MCF2L2: variants seen among roughly 807,000 people sequenced by gnomAD.
The protein encoded by MCF2L2 is probable guanine nucleotide exchange factor MCF2L2.
A neutral mutation model predicts 150.2 loss-of-function variants in MCF2L2; 102 were observed. The ratio of observed to expected loss-of-function variants is 0.68; its 90% CI spans 0.58 to 0.80. The LOEUF (loss-of-function observed/expected upper bound fraction) is 0.80. Among genes scored for constraint, MCF2L2 ranks in the 30% least tolerant of loss-of-function variants. MCF2L2 has a pLI of 0.00. For synonymous variants in MCF2L2, 465 were observed against 491.3 expected (o/e 0.95, Z 0.71); for missense variants, 1,256 against 1,372.8 (o/e 0.91, Z 1.34).
In MCF2L2 at chr3:183,379,299, G is replaced by A. The variant is rs562383732; in HGVS notation, c.273C>T (p.Pro91=). 6.9e-6 allele frequency: 11 copies of A among 1,605,154 alleles called. No individual in the cohort carries two copies. Among genetic ancestry groups the A allele is most frequent in the African/African-American group, 2.7e-5 (2 of 74,638 alleles). Residue 91 remains proline, a splice_region_variant and synonymous_variant, in exon 3 of 30, where the codon CCC becomes CCT. Transcript: ENST00000328913. The part of the protein sequence containing the change: ...LNVMTYLTSI[P]SVEAASIGFI... ...GCAGGACACTGTGCTCAGCTCACCT[G>A]GGGATGCTAGTCAGGTAGGTCATGA...
chr3:183,371,465 CTTTTTTT>C (rs56835227), intron 3 of MCF2L2, among the ~76,000 whole-genome samples: 1 of 126,050 alleles, frequency 7.9e-6, no homozygotes, highest in Non-Finnish European at 1.6e-5. Flanking sequence ...TCTGAGAAGC[CTTTTTTT>C]TTTTTTTTTT....
At position 183,344,434 on chromosome 3, in the gene MCF2L2, A is replaced by G. The variant is rs564930051; in HGVS notation, c.276-2804T>C. ...ATCACATTAATTGGAAATGGCCTAT[A>G]ACGCTCCATTTAAAAGGCAAATAGC... On this transcript the variant is annotated intron_variant, in intron 3 of 29. Coordinates refer to ENST00000328913, the MANE Select transcript of MCF2L2 (RefSeq NM_015078.4). Among the ~76,000 whole-genome samples, 5 of 152,298 alleles carry G rather than the reference A, an allele frequency of 3.3e-5. No individual in the cohort carries two copies. The East Asian group carries it at 9.6e-4, about 29-fold the overall frequency.
chr3:183,391,269 G>GT (rs1011205396), intron 1 of MCF2L2, among the ~76,000 whole-genome samples: 13 of 149,170 alleles, frequency 8.7e-5, no homozygotes, highest in African/African-American at 2.5e-4. Flanking sequence ...GCCTTTTTTT[G>GT]TTTTTTTCTG....
chr3:183,415,973 A>G (rs1366701969), intron 1 of MCF2L2, among the ~76,000 whole-genome samples: 1 of 152,084 alleles, frequency 6.6e-6, no homozygotes, highest in African/African-American at 2.4e-5. Flanking sequence ...TTACATTAAT[A>G]AAAATTTCTA....
intron 4 of MCF2L2, among the ~76,000 whole-genome samples, chr3:183,340,258 C>CGTGTGTGTGCATGTTT (rs1730645145): frequency 6.6e-6 from 1 of 152,130 alleles, no homozygotes; most frequent in African/African-American, 2.4e-5. Context: ...AGAGGGACTC[C>CGTGTGTGTGCATGTTT]GTGTGTGTGC....
rs563270211 is a variant in MCF2L2 at position 183,285,905 on chromosome 3, G to A, written c.1776+3215C>T. On this transcript the variant is annotated intron_variant, in intron 14 of 29. Transcript: ENST00000328913. ...AAAAAGGCTGTGATGTTGGCAGCCC[G>A]GGGAAAGCAGTTCCCGTGAGTCATG... 4.6e-5 allele frequency among the ~76,000 whole-genome samples: 7 copies of A among 152,206 alleles called. No individual in the cohort carries two copies. In the South Asian group the frequency reaches 6.2e-4, roughly 14 times the overall value.
At position 183,266,925 on chromosome 3, in the gene MCF2L2, T is replaced by TA. The variant is rs767343369; in HGVS notation, c.1862+9946dup. Reference sequence around the variant, plus strand: ...CCTCAGCCTCCCAAGAAGCTGGAATTACAGGTGTGCACCACCACACCCGGC... The same window carrying TA: ...CCTCAGCCTCCCAAGAAGCTGGAATTAACAGGTGTGCACCACCACACCCGGC... On this transcript the variant is annotated intron_variant, in intron 15 of 29. Transcript: ENST00000328913. Among the ~76,000 whole-genome samples, 95 of 152,110 alleles carry TA rather than the reference T, an allele frequency of 6.2e-4. 1 individual carries two copies. Among genetic ancestry groups the TA allele is most frequent in the Admixed American group, 2.6e-4 (4 of 15,270 alleles).
In MCF2L2 at chr3:183,262,309, T is replaced by C. The variant is rs778143673; in HGVS notation, c.1862+14563A>G. 1.2e-4 allele frequency among the ~76,000 whole-genome samples: 18 copies of C among 151,990 alleles called. 1 individual carries two copies. The highest frequency in any genetic ancestry group is 2.5e-4 in the Non-Finnish European group (17 of 68,002). On this transcript the variant is annotated intron_variant, in intron 15 of 29. Transcript: ENST00000328913. ...AGAATGCAGACATGTCCATGGAAGT[T>C]GGCAATATTCAGCCCCCAGCAGGCC... is the stretch of plus-strand genomic sequence containing the variant.
At chr3:183,295,732 T>C (rs1437608997) in intron 12 of MCF2L2, among the ~76,000 whole-genome samples, 2 of 152,068 alleles carry the variant, frequency 1.3e-5, no homozygotes, top group Non-Finnish European at 2.9e-5. Flanking sequence ...CTCCAGTGCC[T>C]GGAACACCCT....
intron 15 of MCF2L2, chr3:183,271,991 A>G: frequency 6.4e-6 from 2 of 314,954 alleles, no homozygotes; most frequent in Non-Finnish European, 9.8e-6. Context: ...TCAGAGTTTT[A>G]AATTGAGAGC....
chr3:183,404,975 G>A (rs1043280558), intron 1 of MCF2L2, among the ~76,000 whole-genome samples: 6 of 152,016 alleles, frequency 3.9e-5, no homozygotes, highest in African/African-American at 7.2e-5. Flanking sequence ...TATGAACAAC[G>A]TAATTTATGG....
intron 5 of MCF2L2, among the ~76,000 whole-genome samples, chr3:183,330,061 C>T (rs1465700257): frequency 6.6e-6 from 1 of 150,568 alleles, no homozygotes; most frequent in Non-Finnish European, 1.5e-5. Flanking sequence ...ACAAGGAAAC[C>T]CCTGTCTCTA....
intron 15 of MCF2L2, among the ~76,000 whole-genome samples, chr3:183,255,601 A>G (rs1724971535): frequency 6.6e-6 from 1 of 152,208 alleles, no homozygotes. Context: ...CAAAGCTCAG[A>G]GCAGCTGTTC....
intron 2 of MCF2L2, among the ~76,000 whole-genome samples, chr3:183,384,685 T>C (rs542065475): frequency 6.6e-6 from 1 of 152,294 alleles, no homozygotes; most frequent in Admixed American, 6.5e-5. Flanking sequence ...TTGGTGAGAC[T>C]GATTTGAGTA....
chr3:183,399,759 T>C (rs1409157487), intron 1 of MCF2L2, among the ~76,000 whole-genome samples: 1 of 152,184 alleles, frequency 6.6e-6, no homozygotes, highest in African/African-American at 2.4e-5. Flanking sequence ...AATATTGAAA[T>C]GGTAAAGGTT....
rs80048902 is a variant in MCF2L2, at chr3:183,283,330, G to A, written c.1776+5790C>T. Among the ~76,000 whole-genome samples, 335 of 152,216 alleles carry A rather than the reference G, an allele frequency of 2.2e-3. No individual in the cohort carries two copies. Among genetic ancestry groups the A allele is most frequent in the African/African-American group, 6.9e-3 (285 of 41,536 alleles). ...TTTACTGTCTACCAGAGTCAGCTTC[G>A]TAATACACAGGTGCCCTCCTCCTCC... On this transcript the variant is annotated intron_variant, in intron 14 of 29. Coordinates refer to ENST00000328913, the MANE Select transcript of MCF2L2 (RefSeq NM_015078.4). The surrounding 1 kb of genome is among the most constrained non-coding windows in gnomAD (Gnocchi z 4.2).
chr3:183,310,896 G>A lies in MCF2L2; in HGVS notation c.993+19C>T, dbSNP rs200807372. On this transcript the variant is annotated intron_variant, in intron 9 of 29. Coordinates refer to ENST00000328913, the MANE Select transcript of MCF2L2 (RefSeq NM_015078.4). ...CCCGGTACCAGAAAAGAAAGTTACA[G>A]TAAACAAGAAAAGAATACCTTACAA... 1,122 of 1,560,630 alleles carry A rather than the reference G, an allele frequency of 7.2e-4. 2 individuals carry two copies. Among genetic ancestry groups the A allele is most frequent in the Non-Finnish European group, 9.6e-4 (1,088 of 1,133,078 alleles).
intron 3 of MCF2L2, among the ~76,000 whole-genome samples, chr3:183,362,325 G>C (rs56229315): frequency 6.6e-6 from 1 of 151,970 alleles, no homozygotes; most frequent in Non-Finnish European, 1.5e-5. Context: ...GGCTGATCTG[G>C]AACTCCTGAC....
intron 27 of MCF2L2, among the ~76,000 whole-genome samples, chr3:183,180,650 A>G (rs1721487614): frequency 6.6e-6 from 1 of 152,198 alleles, no homozygotes; most frequent in African/African-American, 2.4e-5. Flanking sequence ...TGAACTGATT[A>G]ATTAATCCAT....
Sources: allele counts gnomAD v4.1 joint callset (sites outside exome capture counted in the v4.1 genomes callset), GRCh38; gene constraint gnomAD v4.1.1; non-coding constraint Gnocchi (gnomAD v3.1); transcripts MANE v1.5; gene names NCBI Gene and HGNC (gene_info 2026-07-23, HGNC 2026-07-21).